RBFOX1: variants seen among roughly 807,000 people sequenced by gnomAD.
RBFOX1 encodes RNA binding protein fox-1 homolog 1.
A neutral mutation model predicts 57.7 loss-of-function variants in RBFOX1; 8 were observed. The observed-to-expected ratio is 0.14, with a 90% CI of 0.08 to 0.25. RBFOX1 has a LOEUF of 0.25. Ranked by LOEUF, RBFOX1 falls within the 10% of genes least tolerant of loss-of-function variation. The pLI is 1.00. For missense variants in RBFOX1, 611 were observed against 548.5 expected (o/e 1.11, Z -1.14); for synonymous variants, 326 against 222.4 (o/e 1.47, Z -4.15).
chr16:6,573,739 C>A (rs1433543912), intron 2 of RBFOX1: 1 of 152,216 alleles, frequency 6.6e-6, no homozygotes, highest in Non-Finnish European at 1.5e-5. Context: ...GGCACGGGCG[C>A]GAAGCCCGGC....
intron 4 of RBFOX1, among the ~76,000 whole-genome samples, chr16:7,416,301 C>T (rs1313647064): frequency 6.6e-6 from 1 of 152,210 alleles, no homozygotes; most frequent in Non-Finnish European, 1.5e-5. Context: ...AATCCAGAGA[C>T]TCTGAGCTTA....
At chr16:7,081,686 T>C (rs1021653498) in intron 4 of RBFOX1, among the ~76,000 whole-genome samples, 2 of 152,228 alleles carry the variant, frequency 1.3e-5, no homozygotes, top group African/African-American at 4.8e-5. Flanking sequence ...TTTATTATTG[T>C]CTATATTTCA....
intron 4 of RBFOX1, among the ~76,000 whole-genome samples, chr16:7,136,707 T>A (rs2152051772): frequency 6.6e-6 from 1 of 152,232 alleles, no homozygotes; most frequent in Admixed American, 6.5e-5. Flanking sequence ...GTGAGTCACT[T>A]CACCTGGCCC....
chr16:5,865,445 C>T (rs1299833603), intron 3 of RBFOX1, among the ~76,000 whole-genome samples: 1 of 152,176 alleles, frequency 6.6e-6, no homozygotes, highest in Non-Finnish European at 1.5e-5. Flanking sequence ...GGCAAGCCTT[C>T]AGCCACAGCT....
chr16:7,614,637 C>A (rs1399257273), intron 10 of RBFOX1: 1 of 152,174 alleles, frequency 6.6e-6, no homozygotes, highest in Non-Finnish European at 1.5e-5. Context: ...CACATCCAGG[C>A]TATGGGAAGC....
At chr16:5,351,613 C>G (rs1376102857) in intron 1 of RBFOX1, among the ~76,000 whole-genome samples, 1 of 152,218 alleles carries the variant, frequency 6.6e-6, no homozygotes, top group Non-Finnish European at 1.5e-5. Context: ...CCTTTCCTCT[C>G]TATGGAGACC....
At chr16:6,743,036 G>A (rs900262596) in intron 3 of RBFOX1, among the ~76,000 whole-genome samples, 51 of 152,242 alleles carry the variant, frequency 3.3e-4, no homozygotes, top group African/African-American at 1.2e-3. Flanking sequence ...GGTTACCAAT[G>A]TCACTAGCAG....
At chr16:7,690,529 T>G (rs1033933168) in intron 14 of RBFOX1, among the ~76,000 whole-genome samples, 6 of 152,100 alleles carry the variant, frequency 3.9e-5, no homozygotes, top group East Asian at 1.9e-4. Flanking sequence ...CAGGTGCATT[T>G]TGAAGTTTAA....
chr16:7,282,261 C>A (rs1487233753), intron 4 of RBFOX1, among the ~76,000 whole-genome samples: 1 of 152,158 alleles, frequency 6.6e-6, no homozygotes, highest in Non-Finnish European at 1.5e-5. Flanking sequence ...GTCAGAGGAA[C>A]AAGTAAATGG....
chr16:7,448,684 G>C (rs2098827187), intron 4 of RBFOX1, among the ~76,000 whole-genome samples: 1 of 152,126 alleles, frequency 6.6e-6, no homozygotes, highest in African/African-American at 2.4e-5. Flanking sequence ...CCTGGCTCCT[G>C]GTGGCTCCCC....
intron 2 of RBFOX1, among the ~76,000 whole-genome samples, chr16:6,505,531 G>A (rs1353054387): frequency 6.6e-6 from 1 of 152,164 alleles, no homozygotes; most frequent in Non-Finnish European, 1.5e-5. Flanking sequence ...TTTACTCTGT[G>A]TATTCTCACC....
At chr16:6,089,116 T>C (rs1004035117) in intron 1 of RBFOX1, among the ~76,000 whole-genome samples, 5 of 150,764 alleles carry the variant, frequency 3.3e-5, no homozygotes, top group African/African-American at 1.2e-4. Context: ...AAGACATTGA[T>C]ATTAAAGAGT....
intron 2 of RBFOX1, among the ~76,000 whole-genome samples, chr16:6,586,397 G>C (rs1326593323): frequency 6.6e-6 from 1 of 152,248 alleles, no homozygotes; most frequent in Non-Finnish European, 1.5e-5. Flanking sequence ...TCTCCAGTGC[G>C]TCTTAATTTT....
chr16:7,615,027 G>A (rs1354048668), intron 10 of RBFOX1: 2 of 152,176 alleles, frequency 1.3e-5, no homozygotes, highest in Admixed American at 1.3e-4. Context: ...TATTCATGAG[G>A]TCACAGAATA....
Position 6,443,093 on chromosome 16 carries a change from T to A in RBFOX1, c.-64+126036T>A, listed in dbSNP as rs370825324. ...TATTAGAATGGAACTTGGAAAACAG[T>A]TCCCAGCCCCCAGTTTTCCCTGAAC... On this transcript the variant is annotated intron_variant, in intron 2 of 15. Coordinates refer to ENST00000550418, the MANE Select transcript of RBFOX1 (RefSeq NM_018723.4). Among the ~76,000 whole-genome samples, 3 of 152,270 alleles carry A rather than the reference T, an allele frequency of 2.0e-5. No homozygotes were observed. In the East Asian group the frequency reaches 5.8e-4, roughly 29 times the overall value.
chr16:6,532,697 C>T (rs543414671), intron 2 of RBFOX1, among the ~76,000 whole-genome samples: 14 of 152,294 alleles, frequency 9.2e-5, no homozygotes, highest in African/African-American at 2.9e-4. Flanking sequence ...CTGGATTCCT[C>T]TCCTGGACAG....
intron 3 of RBFOX1, among the ~76,000 whole-genome samples, chr16:5,623,857 T>A (rs1297094759): frequency 2.0e-4 from 31 of 152,166 alleles, no homozygotes; most frequent in Admixed American, 2.0e-3. Context: ...TATTGAGATA[T>A]CATTCATATA....
At chr16:5,425,374 G>T (rs377463388) in intron 1 of RBFOX1, among the ~76,000 whole-genome samples, 8 of 152,174 alleles carry the variant, frequency 5.3e-5, no homozygotes, top group African/African-American at 1.7e-4. Context: ...AAAGCGCTGG[G>T]ATTACAGGCA....
At chr16:6,600,324 G>C (rs1197848535) in intron 2 of RBFOX1, among the ~76,000 whole-genome samples, 1 of 152,002 alleles carries the variant, frequency 6.6e-6, no homozygotes, top group Non-Finnish European at 1.5e-5. Flanking sequence ...GCCCAGCATT[G>C]AGCTCCAGCT....
Sources: allele counts gnomAD v4.1 joint callset (sites outside exome capture counted in the v4.1 genomes callset), GRCh38; gene constraint gnomAD v4.1.1; transcripts MANE v1.5; gene names NCBI Gene and HGNC (gene_info 2026-07-23, HGNC 2026-07-21).